EPB41L4A: variants seen among roughly 807,000 people sequenced by gnomAD.
EPB41L4A encodes the protein band 4.1-like protein 4A.
A neutral mutation model predicts 108.6 loss-of-function variants in EPB41L4A; 100 were observed. That is an observed-to-expected ratio of 0.92 (90% CI 0.78 to 1.09). The LOEUF is 1.09. EPB41L4A is among the 50% of genes least tolerant of loss of function. The pLI, the probability that EPB41L4A is intolerant of heterozygous loss-of-function variation, is 0.00. For synonymous variants in EPB41L4A, 319 were observed against 289.0 expected, an observed-to-expected ratio of 1.10 and a Z score of -1.05; for missense variants, 1,030 against 842.7, an observed-to-expected ratio of 1.22 and a Z score of -2.75.
intron 1 of EPB41L4A, among the ~76,000 whole-genome samples, chr5:112,417,043 A>G (rs535609969): frequency 9.2e-5 from 14 of 152,374 alleles, no homozygotes; most frequent in Admixed American, 6.5e-4. Flanking sequence ...CTGTTGTTAA[A>G]TGATTATTTC....
chr5:112,415,604 T>C (rs1471242821), intron 1 of EPB41L4A, among the ~76,000 whole-genome samples: 1 of 152,102 alleles, frequency 6.6e-6, no homozygotes, highest in East Asian at 1.9e-4. Flanking sequence ...CACATTCAAG[T>C]TTTGCTAAGA....
intron 1 of EPB41L4A, among the ~76,000 whole-genome samples, chr5:112,319,437 A>G (rs1286692611): frequency 2.0e-5 from 3 of 152,232 alleles, no homozygotes; most frequent in Non-Finnish European, 2.9e-5. Context: ...ACCATCATTA[A>G]GTACAACTGA....
chr5:112,248,880 G>A (rs1314058858), intron 9 of EPB41L4A, among the ~76,000 whole-genome samples: 1 of 152,112 alleles, frequency 6.6e-6, no homozygotes, highest in Non-Finnish European at 1.5e-5. Flanking sequence ...ACACAAGAAT[G>A]CAATCCTGTA....
intron 15 of EPB41L4A, among the ~76,000 whole-genome samples, chr5:112,197,457 C>T (rs927411101): frequency 1.3e-5 from 2 of 152,202 alleles, no homozygotes; most frequent in African/African-American, 4.8e-5. Context: ...TTAGCATAAA[C>T]ACAATTATAC....
chr5:112,295,443 A>G (rs1489196486), intron 2 of EPB41L4A, among the ~76,000 whole-genome samples: 1 of 152,190 alleles, frequency 6.6e-6, no homozygotes, highest in Non-Finnish European at 1.5e-5. Flanking sequence ...ACTCTATTCC[A>G]AAACTGATCT....
intron 1 of EPB41L4A, among the ~76,000 whole-genome samples, chr5:112,406,012 G>C (rs575787145): frequency 1.3e-5 from 2 of 152,214 alleles, no homozygotes; most frequent in Admixed American, 1.3e-4. Context: ...ACATAGCATT[G>C]GTCCAGACCC....
At chr5:112,173,393 C>T (rs1425551763) in intron 18 of EPB41L4A, among the ~76,000 whole-genome samples, 1 of 151,904 alleles carries the variant, frequency 6.6e-6, no homozygotes, top group African/African-American at 2.4e-5. Flanking sequence ...TGACTATGAA[C>T]AATACATTAA....
chr5:112,269,617 G>A (rs1752119849), intron 4 of EPB41L4A, among the ~76,000 whole-genome samples: 1 of 152,068 alleles, frequency 6.6e-6, no homozygotes, highest in African/African-American at 2.4e-5. Flanking sequence ...GTCTGCCTAG[G>A]AGAGTACTAA....
chr5:112,161,758 C>T (rs1759920867), downstream of EPB41L4A: 1 of 405,908 alleles, frequency 2.5e-6, no homozygotes, highest in Non-Finnish European at 4.9e-6. Flanking sequence ...CATCTGGGAG[C>T]ATAAAGGTGA....
chr5:112,293,454 T>C (rs753785717), intron 2 of EPB41L4A, among the ~76,000 whole-genome samples: 1 of 152,128 alleles, frequency 6.6e-6, no homozygotes, highest in Non-Finnish European at 1.5e-5. Flanking sequence ...AATTCAGCCC[T>C]TCACCTCCCT....
intron 2 of EPB41L4A, among the ~76,000 whole-genome samples, chr5:112,292,233 T>G (rs559880679): frequency 2.0e-5 from 3 of 152,332 alleles, no homozygotes; most frequent in South Asian, 4.1e-4. Context: ...TGAATGGAGA[T>G]GAGCAACAGC....
At chr5:112,198,387 A>G (rs1177202669) in intron 15 of EPB41L4A, among the ~76,000 whole-genome samples, 5 of 152,084 alleles carry the variant, frequency 3.3e-5, no homozygotes, top group Admixed American at 3.3e-4. Flanking sequence ...TTTCTCTCCC[A>G]TATTCCCATG....
rs1479246074 is a variant in EPB41L4A at position 112,195,662 on chromosome 5, T to G, written c.1423A>C (p.Arg475=). The change falls in exon 16 of 23, where the codon AGG becomes CGG. Residue 475 remains arginine (R), a splice_region_variant and synonymous_variant. Transcript: ENST00000261486. ...GTCCTTCCATTTTTGTTTTTTTACC[T>G]CCTCCTTTGCTTAAGATCTGAATCT... is the stretch of plus-strand genomic sequence containing the variant. ...GEDSDLKQRR[R]SRSRCNTSSG... The G allele has an allele frequency of 6.8e-6, 11 of 1,613,292 alleles. No homozygotes were observed. The highest frequency in any genetic ancestry group is 9.3e-6 in the Non-Finnish European group (11 of 1,179,332).
At chr5:112,215,762 C>CAAAAAAAAA (rs374126290) in intron 12 of EPB41L4A, among the ~76,000 whole-genome samples, 4 of 101,326 alleles carry the variant, frequency 3.9e-5, no homozygotes, top group African/African-American at 4.0e-5. Flanking sequence ...GACTCCATCT[C>CAAAAAAAAA]AAAAAAAAAA....
At chr5:112,180,933 C>G (rs996238596) in intron 18 of EPB41L4A, among the ~76,000 whole-genome samples, 9 of 152,040 alleles carry the variant, frequency 5.9e-5, no homozygotes, top group African/African-American at 1.7e-4. Context: ...TATGAATAAC[C>G]AGTAAGCACA....
intron 1 of EPB41L4A, among the ~76,000 whole-genome samples, chr5:112,308,377 G>C (rs1160091327): frequency 6.6e-6 from 1 of 152,140 alleles, no homozygotes; most frequent in Non-Finnish European, 1.5e-5. Context: ...CACATATGGT[G>C]AGCACTTAAT....
Position 112,164,859 on chromosome 5 carries a change from A to T in EPB41L4A, c.*131T>A. On this transcript the variant is annotated 3_prime_UTR_variant, in exon 23 of 23. Transcript: ENST00000261486. ...AAAAAAAAAAAAAAAGAAGCAAAAG[A>T]TAATGTATTTTCTCATGCTGAAGAA... 27 of 931,526 alleles carry T rather than the reference A, an allele frequency of 2.9e-5. No homozygotes were observed. Among genetic ancestry groups the T allele is most frequent in the Non-Finnish European group, 3.7e-5 (24 of 652,844 alleles). 57.7% of individuals were successfully genotyped at this position (931,526 alleles called of 1,614,324 possible).
At chr5:112,229,234 T>C (rs1274481416) in intron 12 of EPB41L4A, among the ~76,000 whole-genome samples, 1 of 152,216 alleles carries the variant, frequency 6.6e-6, no homozygotes, top group Non-Finnish European at 1.5e-5. Flanking sequence ...ACATCACATT[T>C]ATTCATTTGC....
At chr5:112,306,222 A>G (rs1423988236) in intron 2 of EPB41L4A, among the ~76,000 whole-genome samples, 1 of 152,154 alleles carries the variant, frequency 6.6e-6, no homozygotes, top group East Asian at 1.9e-4. Context: ...CCTTCAATTT[A>G]ATCTTTCTGT....
Sources: gnomAD v4.1 joint callset for allele counts (sites outside exome capture counted in the v4.1 genomes callset) on GRCh38, gnomAD v4.1.1 for gene constraint, MANE v1.5 for transcripts, NCBI Gene and HGNC (gene_info 2026-07-23, HGNC 2026-07-21) for gene names.